The following EYS variants were observed in gnomAD, a reference collection of about 807,000 sequenced individuals.
EYS encodes the protein EGF-like photoreceptor maintenance factor.
A neutral mutation model predicts 282.1 loss-of-function variants in EYS; 250 were observed. The ratio of observed to expected loss-of-function variants is 0.89; its 90% CI spans 0.80 to 0.98. The LOEUF (loss-of-function observed/expected upper bound fraction) is 0.98, where lower values mean the gene tolerates loss of function less well. Among genes scored for constraint, EYS ranks in the 50% least tolerant of loss-of-function variants. EYS has a pLI of 0.00. For missense variants in EYS, 4,016 were observed against 3,709.0 expected (o/e 1.08, Z -2.15); for synonymous variants, 1,355 against 1,282.9 (o/e 1.06, Z -1.20).
chr6:64,757,744 T>TGTG (rs1772996807), intron 22 of EYS, among the ~76,000 whole-genome samples: 1,754 of 139,900 alleles, frequency 0.013, 19 homozygotes, highest in East Asian at 0.078. Flanking sequence ...CTTTTTTTCT[T>TGTG]TGTGTGTGTG....
At position 64,515,490 on chromosome 6, in the gene EYS, T is replaced by A. The variant is rs180695961; in HGVS notation, c.5644+74733A>T. ...TTAGTACTATTAAAACCTTATGATC[T>A]CAATTTTTCTATTTTAGTCATTTTG... On this transcript the variant is annotated intron_variant, in intron 26 of 42. Coordinates refer to ENST00000503581, the MANE Select transcript of EYS (RefSeq NM_001142800.2). 2.0e-3 allele frequency among the ~76,000 whole-genome samples: 298 copies of A among 151,570 alleles called. 2 individuals are homozygous for A. In the Middle Eastern group the frequency reaches 0.02, roughly 10 times the overall value.
At position 65,688,450 on chromosome 6, in the gene EYS, C is replaced by T. The variant is rs200032388; in HGVS notation, c.-448+18685G>A. 1.2e-4 allele frequency among the ~76,000 whole-genome samples: 19 copies of T among 152,024 alleles called. No individual in the cohort carries two copies. The East Asian group carries it at 1.4e-3, about 11-fold the overall frequency. On this transcript the variant is annotated intron_variant, in intron 1 of 42. Transcript: ENST00000503581. ...AATTAATTCAAGATGGATTAAAGAC[C>T]TAAATGTTAGACCTAAAACCATAAA... is the stretch of plus-strand genomic sequence containing the variant.
intron 29 of EYS, among the ~76,000 whole-genome samples, chr6:64,387,892 C>T (rs36175426): frequency 0.37 from 56,166 of 151,696 alleles, 11,138 homozygotes; most frequent in African/African-American, 0.53. Flanking sequence ...TTGTATACTA[C>T]GGAGTCATGA....
At chr6:64,632,894 T>C (rs1284221152) in intron 22 of EYS, among the ~76,000 whole-genome samples, 1 of 152,160 alleles carries the variant, frequency 6.6e-6, no homozygotes, top group Non-Finnish European at 1.5e-5. Flanking sequence ...AATACAGGTA[T>C]TTTAAACTCA....
At chr6:64,978,392 C>G (rs1182260625) in intron 14 of EYS, among the ~76,000 whole-genome samples, 1 of 151,882 alleles carries the variant, frequency 6.6e-6, no homozygotes, top group Non-Finnish European at 1.5e-5. Flanking sequence ...CTCTTTAGAC[C>G]TACTGACCAA....
At chr6:65,517,341 C>CCA (rs1767178011) in intron 2 of EYS, among the ~76,000 whole-genome samples, 1 of 145,036 alleles carries the variant, frequency 6.9e-6, no homozygotes, top group African/African-American at 2.6e-5. Context: ...AAAACAACAA[C>CCA]AAAAAAAAAA....
intron 29 of EYS, among the ~76,000 whole-genome samples, chr6:64,368,050 A>C (rs1166928175): frequency 6.6e-6 from 1 of 152,062 alleles, no homozygotes; most frequent in Non-Finnish European, 1.5e-5. Context: ...TCCAGGTAAT[A>C]AGCGTAGTAT....
chr6:64,183,671 G>T (rs1337424092), intron 31 of EYS, among the ~76,000 whole-genome samples: 2 of 152,000 alleles, frequency 1.3e-5, no homozygotes, highest in Non-Finnish European at 2.9e-5. Context: ...AAATGTAAAA[G>T]CTATAAAAAA....
chr6:64,639,869 GAA>G, intron 22 of EYS, among the ~76,000 whole-genome samples: 1 of 108,870 alleles, frequency 9.2e-6, no homozygotes, highest in East Asian at 2.3e-4. Flanking sequence ...AAATTGACAA[GAA>G]AAAGACAAAC....
chr6:65,588,628 TA>T (rs1188018897), intron 2 of EYS, among the ~76,000 whole-genome samples: 1 of 152,018 alleles, frequency 6.6e-6, no homozygotes, highest in Non-Finnish European at 1.5e-5. Flanking sequence ...CACAGGAAAA[TA>T]ATGAGACTTT....
chr6:64,017,249 C>A (rs1293002937), intron 33 of EYS, among the ~76,000 whole-genome samples: 1 of 151,880 alleles, frequency 6.6e-6, no homozygotes, highest in Non-Finnish European at 1.5e-5. Context: ...AGGTTCCTGG[C>A]AGGGTACCTA....
At chr6:63,930,666 G>T (rs1248614656) in intron 35 of EYS, among the ~76,000 whole-genome samples, 1 of 152,144 alleles carries the variant, frequency 6.6e-6, no homozygotes, top group African/African-American at 2.4e-5. Flanking sequence ...ACAAAGGTAT[G>T]TCAAAACTTC....
intron 24 of EYS, 134 bp downstream of exon 24, chr6:64,617,284 C>T: frequency 1.6e-6 from 1 of 642,490 alleles, no homozygotes; most frequent in Non-Finnish European, 2.8e-6. Flanking sequence ...AAAAGTGTAG[C>T]GTGCACAGAG....
chr6:65,322,865 A>G (rs1307106811), intron 11 of EYS, among the ~76,000 whole-genome samples: 4 of 150,588 alleles, frequency 2.7e-5, no homozygotes, highest in African/African-American at 9.8e-5. Context: ...ACTGGTTCCA[A>G]TGTGTTCCAT....
chr6:64,412,001 G>C (rs1006907669), intron 28 of EYS, among the ~76,000 whole-genome samples: 1 of 84,906 alleles, frequency 1.2e-5, no homozygotes, highest in Admixed American at 1.2e-4. Flanking sequence ...ATGTGTATTA[G>C]TAAAATCTGT....
chr6:65,567,905 A>G (rs2127349980), intron 2 of EYS, among the ~76,000 whole-genome samples: 1 of 152,240 alleles, frequency 6.6e-6, no homozygotes, highest in Middle Eastern at 3.4e-3. Flanking sequence ...ACAATACCCC[A>G]AAATATGACA....
chr6:65,540,370 AC>A (rs1768117698), intron 2 of EYS, among the ~76,000 whole-genome samples: 1 of 152,070 alleles, frequency 6.6e-6, no homozygotes, highest in Admixed American at 6.5e-5. Flanking sequence ...ATGCTTTAGA[AC>A]CTCTTCAGCA....
chr6:65,252,625 A>G (rs971403714), intron 12 of EYS, among the ~76,000 whole-genome samples: 1 of 152,034 alleles, frequency 6.6e-6, no homozygotes, highest in Non-Finnish European at 1.5e-5. Context: ...GGAAAAGCCA[A>G]TCAATAGATG....
chr6:63,843,929 G>T (rs1772030599), intron 36 of EYS, among the ~76,000 whole-genome samples: 2 of 152,184 alleles, frequency 1.3e-5, no homozygotes. Flanking sequence ...TGCCATGGTG[G>T]TTTGCTGCAC....
Sources: gnomAD v4.1 joint callset for allele counts (sites outside exome capture counted in the v4.1 genomes callset) on GRCh38, gnomAD v4.1.1 for gene constraint, MANE v1.5 for transcripts, NCBI Gene and HGNC (gene_info 2026-07-23, HGNC 2026-07-21) for gene names.